Variants in EP300 observed in about 807,000 individuals in gnomAD.
EP300 encodes EP300 lysine acetyltransferase, also known as histone acetyltransferase p300.
A neutral mutation model predicts 264.0 loss-of-function variants in EP300; 31 were observed. The observed-to-expected ratio is 0.12, with a 90% CI of 0.09 to 0.16. The LOEUF (loss-of-function observed/expected upper bound fraction) is 0.16, where lower values mean the gene tolerates loss of function less well. Ranked by LOEUF, EP300 falls within the 10% of genes least tolerant of loss-of-function variation. The pLI, the probability that EP300 is intolerant of heterozygous loss-of-function variation, is 1.00. For missense variants in EP300, 2,766 were observed against 3,052.9 expected (o/e 0.91, Z 2.21); for synonymous variants, 1,340 against 1,045.4 (o/e 1.28, Z -5.44).
In EP300 at chr22:41,175,911, C is replaced by T. The variant is rs938297082; in HGVS notation, c.4780-336C>T. ...GAGGCGTATGGTGGTGAAACTAACT[C>T]AGCATTCGCCAGTCTCATTGGTGCT... On this transcript the variant is annotated intron_variant, in intron 29 of 30. Transcript: ENST00000263253. The T allele has an allele frequency of 2.7e-5, 9 of 338,196 alleles. No individual in the cohort carries two copies. The Admixed American group carries it at 2.9e-4, about 11-fold the overall frequency. The allele number at this position is 338,196 out of a possible 1,614,324, so 20.9% of individuals were successfully genotyped here. A position where few individuals can be genotyped will look rare whatever the true frequency, so the allele number is the denominator to read the frequency against.
chr22:41,152,653 G>C (rs1218777556), intron 16 of EP300, among the ~76,000 whole-genome samples: 1 of 151,974 alleles, frequency 6.6e-6, no homozygotes, highest in African/African-American at 2.4e-5. Context: ...AAATAGCCTT[G>C]ACTAAAATGC....
At chr22:41,095,696 A>AT (rs1440750747) in intron 1 of EP300, among the ~76,000 whole-genome samples, 3 of 152,114 alleles carry the variant, frequency 2.0e-5, no homozygotes, top group Admixed American at 1.3e-4. Context: ...GTGAAAGAAA[A>AT]TTATTTCTTG....
chr22:41,111,997 C>T (rs1373870019), intron 1 of EP300, among the ~76,000 whole-genome samples: 2 of 149,726 alleles, frequency 1.3e-5, no homozygotes, highest in East Asian at 4.0e-4. Flanking sequence ...ACGCCATCCT[C>T]CTGCCTCAGC....
chr22:41,099,021 T>G (rs1346190038), intron 1 of EP300, among the ~76,000 whole-genome samples: 1 of 152,202 alleles, frequency 6.6e-6, no homozygotes, highest in African/African-American at 2.4e-5. Flanking sequence ...ACTTTACTGC[T>G]AAATATATCA....
intron 8 of EP300, among the ~76,000 whole-genome samples, chr22:41,138,252 C>T (rs551477652): frequency 6.6e-6 from 1 of 152,282 alleles, no homozygotes; most frequent in Admixed American, 6.5e-5. Context: ...CAGACTTCGC[C>T]TCCCAGGTGC....
In EP300 at chr22:41,179,026, A is replaced by G. The variant is rs1047902807; in HGVS notation, c.*70A>G. 7 of 1,575,654 alleles carry G rather than the reference A, an allele frequency of 4.4e-6. No homozygotes were observed. Among genetic ancestry groups the G allele is most frequent in the Middle Eastern group, 1.7e-4 (1 of 5,872 alleles). On this transcript the variant is annotated 3_prime_UTR_variant, in exon 31 of 31. Transcript: ENST00000263253. ...AACAAGACTTTTTGTACTGAAAACA[A>G]TTTTTTTGAATCTTTCGTAGCCTAA...
intron 3 of EP300, 122 bp from the exon 4 acceptor site, chr22:41,127,365 A>G: frequency 7.6e-7 from 1 of 1,313,874 alleles, no homozygotes; most frequent in Non-Finnish European, 1.1e-6. Flanking sequence ...TGTGTCAAAA[A>G]ATGGAGTCTG....
rs965727837 is a variant in EP300, at chr22:41,133,392, C to G, written c.1528+1759C>G. On this transcript the variant is annotated intron_variant, in intron 6 of 30. Transcript: ENST00000263253. Reference sequence around the variant, plus strand: ...TCTTGAACTCCTGACCTCAGGTGATCTGCCTGCCTCAACCTCCCAAAGTGC... The same window carrying G: ...TCTTGAACTCCTGACCTCAGGTGATGTGCCTGCCTCAACCTCCCAAAGTGC... Among the ~76,000 whole-genome samples, 6 of 151,890 alleles carry G rather than the reference C, an allele frequency of 4.0e-5. No homozygotes were observed. In the South Asian group the frequency reaches 1.0e-3, roughly 26 times the overall value.
chr22:41,147,081 T>C (rs2145732939), intron 11 of EP300, among the ~76,000 whole-genome samples: 1 of 151,222 alleles, frequency 6.6e-6, no homozygotes, highest in Admixed American at 6.6e-5. Context: ...GAGGCTGGTG[T>C]ACCACCTGAG....
At chr22:41,109,529 G>C (rs1460283523) in intron 1 of EP300, among the ~76,000 whole-genome samples, 1 of 152,160 alleles carries the variant, frequency 6.6e-6, no homozygotes, top group Non-Finnish European at 1.5e-5. Flanking sequence ...ATCATTGTAA[G>C]CTGGGCTATC....
At position 41,178,756 on chromosome 22, in the gene EP300, C is replaced by A; in HGVS notation, c.7045C>A (p.Pro2349Thr). The change falls in exon 31 of 31, where the codon CCT (proline) becomes ACT (threonine). Residue 2349 changes from proline to threonine, a missense_variant. Coordinates refer to ENST00000263253, the MANE Select transcript of EP300 (RefSeq NM_001429.4). ...TTCCCCACAGACAAGTTCCCCACATCCTGGACTGGTAGCTGCCCAGGCCAA... is the reference window on the plus strand; with the variant it reads ...TTCCCCACAGACAAGTTCCCCACATACTGGACTGGTAGCTGCCCAGGCCAA... Reference protein sequence around the residue: ...HVSPQTSSPHPGLVAAQANPM... With the variant: ...HVSPQTSSPHTGLVAAQANPM... 6.2e-7 allele frequency: 1 copy of A among 1,614,200 alleles called. No homozygotes were observed. Among genetic ancestry groups the A allele is most frequent in the Non-Finnish European group, 8.5e-7 (1 of 1,180,040 alleles).
At chr22:41,167,580 G>GTATA (rs2059143120) in intron 23 of EP300, among the ~76,000 whole-genome samples, 6 of 30,170 alleles carry the variant, frequency 2.0e-4, no homozygotes, top group African/African-American at 6.9e-4. Flanking sequence ...GTGTGTGTGT[G>GTATA]TGTGTATATA....
rs1200933754 is a variant in EP300, at chr22:41,177,257, C to T, written c.5546C>T (p.Ser1849Phe). The T allele has an allele frequency of 1.2e-6, 2 of 1,614,116 alleles. No individual in the cohort carries two copies. The highest frequency in any genetic ancestry group is 1.7e-5 in the Admixed American group (1 of 60,018). ...GTTGGGCAGCAACAGGGCCTCCCTT[C>T]CCCCACTCCTGCCACTCCAACGACA... The part of the protein sequence containing the change: ...GVVGQQQGLP[S>F]PTPATPTTPT... The change falls in exon 31 of 31, where the codon TCC becomes TTC. Residue 1849 changes from serine (S) to phenylalanine (F), a missense_variant. Ser to Phe is a radical substitution (Grantham distance 155). Transcript: ENST00000263253.
Position 41,176,912 on chromosome 22 carries a change from G to A in EP300, c.5201G>A (p.Ser1734Asn). 1 of 1,614,172 alleles carries A rather than the reference G, an allele frequency of 6.2e-7. No individual in the cohort carries two copies. The highest frequency in any genetic ancestry group is 8.5e-7 in the Non-Finnish European group (1 of 1,180,022). Reference sequence around the variant, plus strand: ...AGCCCAGGCGATTCTCGCCGCCTGAGTATCCAGCGCTGCATCCAGTCTCTG... The same window carrying A: ...AGCCCAGGCGATTCTCGCCGCCTGAATATCCAGCGCTGCATCCAGTCTCTG... ...TQSPGDSRRL[S>N]IQRCIQSLVH... The change falls in exon 31 of 31, where the codon AGT (serine) becomes AAT (asparagine). Residue 1734 changes from serine (S) to asparagine (N), a missense_variant. Ser to Asn is a conservative substitution (Grantham distance 46, BLOSUM62 1). Coordinates refer to ENST00000263253, the MANE Select transcript of EP300 (RefSeq NM_001429.4).
intron 1 of EP300, among the ~76,000 whole-genome samples, chr22:41,115,716 A>G (rs2058817194): frequency 6.6e-6 from 1 of 152,188 alleles, no homozygotes; most frequent in Non-Finnish European, 1.5e-5. Flanking sequence ...CTGGTCTTGC[A>G]CCCTGTTTTT....
At chr22:41,143,548 C>CT (rs779627809) in intron 10 of EP300, among the ~76,000 whole-genome samples, 1 of 151,888 alleles carries the variant, frequency 6.6e-6, no homozygotes, top group Non-Finnish European at 1.5e-5. Context: ...CTTCATGTTT[C>CT]TTTAACATTT....
At chr22:41,100,947 A>G (rs1180066486) in intron 1 of EP300, among the ~76,000 whole-genome samples, 1 of 152,194 alleles carries the variant, frequency 6.6e-6, no homozygotes, top group Non-Finnish European at 1.5e-5. Flanking sequence ...ATCATGTAAG[A>G]TGTCTTGTAT....
intron 9 of EP300, 89 bp downstream of exon 9, chr22:41,140,346 T>C (rs2058974883): frequency 3.3e-6 from 3 of 898,814 alleles, no homozygotes; most frequent in East Asian, 2.4e-5. Flanking sequence ...GTAGTACATA[T>C]GCTTCAGACG....
rs1317616659 is a variant in EP300 at position 41,127,615 on chromosome 22, T to G, written c.1035T>G (p.Leu345=). 1 of 1,614,096 alleles carries G rather than the reference T, an allele frequency of 6.2e-7. No individual in the cohort carries two copies. Among genetic ancestry groups the G allele is most frequent in the African/African-American group, 1.3e-5 (1 of 74,928 alleles). The change falls in exon 4 of 31, where the codon CTT becomes CTG. Residue 345 remains leucine, a synonymous_variant. Coordinates refer to ENST00000263253, the MANE Select transcript of EP300 (RefSeq NM_001429.4). Reference sequence around the variant, plus strand: ...TCATCCAGCAGCAGCTTGTTCTCCTTTTGCATGCTCACAAGTGCCAGCGCC... The same window carrying G: ...TCATCCAGCAGCAGCTTGTTCTCCTGTTGCATGCTCACAAGTGCCAGCGCC... The part of the protein sequence containing the change: ...RKLIQQQLVL[L]LHAHKCQRRE...
Sources: allele counts gnomAD v4.1 joint callset (sites outside exome capture counted in the v4.1 genomes callset), GRCh38; gene constraint gnomAD v4.1.1; transcripts MANE v1.5; gene names NCBI Gene and HGNC (gene_info 2026-07-23, HGNC 2026-07-21).